HTR1F: variants seen among roughly 807,000 people sequenced by gnomAD.
HTR1F encodes 5-hydroxytryptamine (serotonin) receptor 1F, G protein-coupled.
Under a neutral mutation model 24.0 loss-of-function variants are expected in HTR1F, and 17 were observed. The ratio of observed to expected loss-of-function variants is 0.71; its 90% CI spans 0.48 to 1.06. The LOEUF (loss-of-function observed/expected upper bound fraction) is 1.06, where lower values mean the gene tolerates loss of function less well. HTR1F is among the 50% of genes least tolerant of loss of function. The pLI is 0.00. For missense variants in HTR1F, 391 were observed against 427.8 expected (o/e 0.91, Z 0.76); for synonymous variants, 186 against 156.8 (o/e 1.19, Z -1.39).
chr3:87,935,279 G>C (rs1953874863), intron 2 of HTR1F, among the ~76,000 whole-genome samples: 1 of 152,192 alleles, frequency 6.6e-6, no homozygotes, highest in South Asian at 2.1e-4. Flanking sequence ...TGGGTAGCAT[G>C]CTACTTCCTC....
chr3:87,946,492 CA>C (rs1704708495), intron 2 of HTR1F, among the ~76,000 whole-genome samples: 1 of 151,278 alleles, frequency 6.6e-6, no homozygotes, highest in Admixed American at 6.6e-5. Flanking sequence ...AAGAATAAAA[CA>C]AATACAAATT....
intron 2 of HTR1F, among the ~76,000 whole-genome samples, chr3:87,829,774 C>T (rs1283256069): frequency 2.6e-5 from 4 of 152,136 alleles, no homozygotes; most frequent in African/African-American, 4.8e-5. Context: ...AATGATGTTA[C>T]TTAATAAAAT....
Position 87,847,579 on chromosome 3 carries a change from A to G in HTR1F, c.-43+25455A>G, listed in dbSNP as rs114388062. 9.6e-4 allele frequency among the ~76,000 whole-genome samples: 146 copies of G among 151,942 alleles called. 2 individuals are homozygous for G. Among genetic ancestry groups the G allele is most frequent in the African/African-American group, 3.3e-3 (138 of 41,288 alleles). Reference sequence around the variant, plus strand: ...CTCTTCTAGTTACTTTGAAATATACATAATATTATTGCTAAGTATAGTCAT... The same window carrying G: ...CTCTTCTAGTTACTTTGAAATATACGTAATATTATTGCTAAGTATAGTCAT... On this transcript the variant is annotated intron_variant, in intron 2 of 2. Coordinates refer to ENST00000319595, the MANE Select transcript of HTR1F (RefSeq NM_001322209.2).
chr3:87,795,785 A>G (rs1703894302), intron 1 of HTR1F, among the ~76,000 whole-genome samples: 1 of 152,218 alleles, frequency 6.6e-6, no homozygotes, highest in Non-Finnish European at 1.5e-5. Flanking sequence ...TGACATCTGA[A>G]ACAGACATGA....
chr3:87,864,490 A>G (rs1307819977), intron 2 of HTR1F, among the ~76,000 whole-genome samples: 5 of 152,186 alleles, frequency 3.3e-5, no homozygotes, highest in African/African-American at 9.7e-5. Context: ...TTCAGCGACT[A>G]TGGTTGACCC....
chr3:87,991,803 G>A lies in HTR1F; in HGVS notation c.1054G>A (p.Glu352Lys). ...TCCACTGATTTACACAATCTTTAAT[G>A]AAGACTTCAAGAAAGCATTCCAAAA... ...INPLIYTIFN[E>K]DFKKAFQKLV... Residue 352 changes from glutamate (E) to lysine (K), a missense_variant, in exon 3 of 3, where the codon GAA becomes AAA. Physicochemically the swap from Glu to Lys is moderately conservative, Grantham distance 56 (BLOSUM62 1). Coordinates refer to ENST00000319595, the MANE Select transcript of HTR1F (RefSeq NM_001322209.2). The A allele has an allele frequency of 6.2e-7, 1 of 1,601,008 alleles. No individual in the cohort carries two copies. The highest frequency in any genetic ancestry group is 2.2e-5 in the East Asian group (1 of 44,720).
intron 2 of HTR1F, among the ~76,000 whole-genome samples, chr3:87,842,154 C>CT (rs1010291355): frequency 6.6e-6 from 1 of 151,422 alleles, no homozygotes; most frequent in African/African-American, 2.4e-5. Flanking sequence ...AAACAATAGG[C>CT]TTTTTTTGTT....
intron 2 of HTR1F, among the ~76,000 whole-genome samples, chr3:87,907,741 T>TAAAACA (rs959809481): frequency 2.6e-5 from 4 of 151,808 alleles, no homozygotes; most frequent in Non-Finnish European, 5.9e-5. Context: ...GGCAATAGAG[T>TAAAACA]AAAACAAAAT....
At chr3:87,842,170 T>C (rs1344088032) in intron 2 of HTR1F, among the ~76,000 whole-genome samples, 1 of 151,826 alleles carries the variant, frequency 6.6e-6, no homozygotes, top group Non-Finnish European at 1.5e-5. Flanking sequence ...TTGTTTTGTT[T>C]TGTTTTTTTG....
intron 2 of HTR1F, among the ~76,000 whole-genome samples, chr3:87,889,718 A>T (rs985707681): frequency 6.6e-6 from 1 of 152,122 alleles, no homozygotes; most frequent in Non-Finnish European, 1.5e-5. Context: ...GTAATTTAAC[A>T]TTTACCATTT....
At chr3:87,846,444 A>T (rs1258785418) in intron 2 of HTR1F, among the ~76,000 whole-genome samples, 1 of 151,896 alleles carries the variant, frequency 6.6e-6, no homozygotes, top group Non-Finnish European at 1.5e-5. Flanking sequence ...CTCAAAAAAA[A>T]AATATATTAT....
chr3:87,896,381 C>G (rs972545483), intron 2 of HTR1F, among the ~76,000 whole-genome samples: 8 of 152,182 alleles, frequency 5.3e-5, no homozygotes, highest in African/African-American at 1.9e-4. Flanking sequence ...CTGTGCCTGA[C>G]AGTTATAATC....
chr3:87,948,928 T>G (rs1041335504), intron 2 of HTR1F, among the ~76,000 whole-genome samples: 1 of 152,232 alleles, frequency 6.6e-6, no homozygotes, highest in African/African-American at 2.4e-5. Context: ...ACAACCCTCT[T>G]GAATCTGTTA....
At chr3:87,847,901 T>C (rs966494351) in intron 2 of HTR1F, among the ~76,000 whole-genome samples, 1 of 151,930 alleles carries the variant, frequency 6.6e-6, no homozygotes, top group African/African-American at 2.4e-5. Context: ...AATATTTCAT[T>C]GTGCATATAT....
chr3:87,818,764 C>T (rs1279558199), intron 1 of HTR1F, among the ~76,000 whole-genome samples: 1 of 152,116 alleles, frequency 6.6e-6, no homozygotes, highest in Non-Finnish European at 1.5e-5. Context: ...TTTATGAAGG[C>T]ACTCACTCAG....
chr3:87,858,180 C>T (rs191732613), intron 2 of HTR1F, among the ~76,000 whole-genome samples: 2 of 152,212 alleles, frequency 1.3e-5, no homozygotes, highest in Admixed American at 6.6e-5. Context: ...TTGATAAATA[C>T]TCCCAATCTG....
chr3:87,865,770 A>G (rs946344408), intron 2 of HTR1F, among the ~76,000 whole-genome samples: 1 of 151,982 alleles, frequency 6.6e-6, no homozygotes, highest in Non-Finnish European at 1.5e-5. Context: ...GGATATTTTG[A>G]TTGTTTCTGG....
chr3:87,974,171 G>T (rs1306158583), intron 2 of HTR1F, among the ~76,000 whole-genome samples: 1 of 152,192 alleles, frequency 6.6e-6, no homozygotes, highest in Non-Finnish European at 1.5e-5. Flanking sequence ...CCACCTCATT[G>T]TTGCCAACGG....
chr3:87,895,175 T>G (rs1706172126), intron 2 of HTR1F, among the ~76,000 whole-genome samples: 1 of 152,178 alleles, frequency 6.6e-6, no homozygotes, highest in Non-Finnish European at 1.5e-5. Flanking sequence ...AGCTATTTGA[T>G]TTCTCTCTTA....
Sources: gnomAD v4.1 joint callset for allele counts (sites outside exome capture counted in the v4.1 genomes callset) on GRCh38, gnomAD v4.1.1 for gene constraint, MANE v1.5 for transcripts, NCBI Gene and HGNC (gene_info 2026-07-23, HGNC 2026-07-21) for gene names.